Variants in GUCA1C observed in about 807,000 individuals in gnomAD.
GUCA1C encodes guanylyl cyclase-activating protein 3.
Under a neutral mutation model 16.2 loss-of-function variants are expected in GUCA1C, and 15 were observed. The ratio of observed to expected loss-of-function variants is 0.93; its 90% CI spans 0.62 to 1.43. The LOEUF (loss-of-function observed/expected upper bound fraction) is 1.43. GUCA1C is among the 40% of genes most tolerant of loss of function. GUCA1C has a pLI of 0.00. For synonymous variants in GUCA1C, 78 were observed against 85.4 expected (o/e 0.91, Z 0.48); for missense variants, 275 against 244.8 (o/e 1.12, Z -0.82).
intron 1 of GUCA1C, among the ~76,000 whole-genome samples, chr3:108,938,070 A>C (rs1226173420): frequency 1.3e-5 from 2 of 152,094 alleles, no homozygotes; most frequent in African/African-American, 2.4e-5. Flanking sequence ...AAAAAAAAAA[A>C]CAAAAAACAC....
rs1576541137 is a variant in GUCA1C, at chr3:108,908,323, A to G, written c.443-114T>C. On this transcript the variant is annotated intron_variant, in intron 3 of 3. Transcript: ENST00000261047. ...CTTTTGATATCCTTTCCCCTCAACC[A>G]GACTCTAAGATCTTTGAAGATCTTC... is the stretch of plus-strand genomic sequence containing the variant. The G allele has an allele frequency of 8.4e-6, 4 of 473,886 alleles. No individual in the cohort carries two copies. In the East Asian group the frequency reaches 1.4e-4, roughly 16 times the overall value. The allele number at this position is 473,886 out of a possible 1,614,324, so 29.4% of individuals were successfully genotyped here. A position where few individuals can be genotyped will look rare whatever the true frequency, so the allele number is the denominator to read the frequency against.
rs368760956 is a variant in GUCA1C at position 108,945,242 on chromosome 3, TAC to T, written c.204+8315_204+8316del. On this transcript the variant is annotated intron_variant, in intron 1 of 3. Transcript: ENST00000261047. ...GAACCAATGGCCAGCAACAAAAATC[TAC>T]AGTTTCTGTTATATCTGTGCTGGCC... 5.2e-3 allele frequency among the ~76,000 whole-genome samples: 790 copies of T among 152,356 alleles called. 19 individuals are homozygous for T. Among genetic ancestry groups the T allele is most frequent in the African/African-American group, 0.018 (761 of 41,580 alleles).
At chr3:108,946,386 T>C (rs771463921) in intron 1 of GUCA1C, among the ~76,000 whole-genome samples, 2 of 152,164 alleles carry the variant, frequency 1.3e-5, no homozygotes, top group Admixed American at 6.5e-5. Flanking sequence ...CTCGCTTTCT[T>C]GGCCTTTCAA....
At chr3:108,921,019 T>C (rs1946565212) in intron 1 of GUCA1C, among the ~76,000 whole-genome samples, 1 of 152,210 alleles carries the variant, frequency 6.6e-6, no homozygotes, top group Non-Finnish European at 1.5e-5. Context: ...AGATATATAA[T>C]GCCATGTACA....
intron 1 of GUCA1C, among the ~76,000 whole-genome samples, chr3:108,945,440 G>C (rs1180630680): frequency 1.3e-5 from 2 of 152,186 alleles, no homozygotes; most frequent in East Asian, 1.9e-4. Context: ...ACTCATCATG[G>C]AGACTTTATA....
chr3:108,953,798 TTTCAC>T lies in GUCA1C; in HGVS notation c.-41_-37del. On this transcript the variant is annotated 5_prime_UTR_variant, in exon 1 of 4. Transcript: ENST00000261047. ...AGTCTACAGCTTTTCCTCAGGTTGTTTTCACTTAAGTTTTTGCTGGATTTAGTCCC... is the reference window on the plus strand; with the variant it reads ...AGTCTACAGCTTTTCCTCAGGTTGTTTTAAGTTTTTGCTGGATTTAGTCCC... 1 of 1,516,104 alleles carries T rather than the reference TTTCAC, an allele frequency of 6.6e-7. No individual in the cohort carries two copies. The highest frequency in any genetic ancestry group is 9.2e-7 in the Non-Finnish European group (1 of 1,091,244). The allele number at this position is 1,516,104 out of a possible 1,614,324, so 93.9% of individuals were successfully genotyped here.
At chr3:108,952,428 C>G (rs1446347631) in intron 1 of GUCA1C, among the ~76,000 whole-genome samples, 1 of 152,126 alleles carries the variant, frequency 6.6e-6, no homozygotes. Context: ...ACAGGCAGTG[C>G]TTAACTCATA....
intron 1 of GUCA1C, among the ~76,000 whole-genome samples, chr3:108,938,876 T>A (rs1946756006): frequency 6.6e-6 from 1 of 152,218 alleles, no homozygotes; most frequent in South Asian, 2.1e-4. Context: ...ATTAATAGGT[T>A]TTCTGGATAT....
Position 108,953,766 on chromosome 3 carries a change from G to A in GUCA1C, c.-4C>T. ...CTATAGATTTGCCATTCCCCATCTT[G>A]ACTCACAGTCTACAGCTTTTCCTCA... On this transcript the variant is annotated 5_prime_UTR_variant, in exon 1 of 4. Coordinates refer to ENST00000261047, the MANE Select transcript of GUCA1C (RefSeq NM_005459.4). The A allele has an allele frequency of 1.2e-6, 2 of 1,605,540 alleles. No homozygotes were observed. The highest frequency in any genetic ancestry group is 1.1e-5 in the South Asian group (1 of 90,896).
At position 108,953,637 on chromosome 3, in the gene GUCA1C, T is replaced by C; in HGVS notation, c.126A>G (p.Thr42=). Residue 42 remains threonine, a synonymous_variant, in exon 1 of 4, where the codon ACA becomes ACG. Coordinates refer to ENST00000261047, the MANE Select transcript of GUCA1C (RefSeq NM_005459.4). ...SGLQTLHEFK[T]LLGLQGLNQK... is the part of the protein sequence containing the mutation. The stretch of plus-strand genomic sequence containing the variant: ...GATTCAGACCTTGCAGACCCAAAAG[T>C]GTCTTAAATTCATGTAGTGTTTGCA... The C allele has an allele frequency of 6.2e-7, 1 of 1,612,964 alleles. No individual in the cohort carries two copies. Among genetic ancestry groups the C allele is most frequent in the East Asian group, 2.2e-5 (1 of 44,856 alleles).
intron 1 of GUCA1C, among the ~76,000 whole-genome samples, chr3:108,945,763 A>C (rs1472720952): frequency 2.6e-5 from 4 of 152,208 alleles, no homozygotes; most frequent in African/African-American, 7.2e-5. Flanking sequence ...GGTTTTTCCT[A>C]GTCTTAACGT....
intron 1 of GUCA1C, among the ~76,000 whole-genome samples, chr3:108,948,852 T>TC (rs1201785876): frequency 2.0e-5 from 3 of 151,622 alleles, no homozygotes; most frequent in African/African-American, 4.8e-5. Context: ...TGGGAATTTT[T>TC]TTTTTTTTTT....
chr3:108,954,295 C>A (rs1350212421), upstream of GUCA1C, among the ~76,000 whole-genome samples: 1 of 152,060 alleles, frequency 6.6e-6, no homozygotes, highest in Non-Finnish European at 1.5e-5. Context: ...ATGAAAAAAT[C>A]ATACATTGAG....
chr3:108,933,044 C>T (rs901047379), intron 1 of GUCA1C, among the ~76,000 whole-genome samples: 2 of 151,694 alleles, frequency 1.3e-5, no homozygotes, highest in African/African-American at 4.8e-5. Flanking sequence ...AGGATTTCTT[C>T]ACAACACCCC....
At chr3:108,920,822 G>A (rs1278067685) in intron 1 of GUCA1C, among the ~76,000 whole-genome samples, 2 of 151,966 alleles carry the variant, frequency 1.3e-5, no homozygotes, top group East Asian at 1.9e-4. Context: ...GTAGTTTTAG[G>A]CTCACAGCAA....
intron 3 of GUCA1C, among the ~76,000 whole-genome samples, chr3:108,912,475 C>T (rs1036085559): frequency 1.3e-4 from 20 of 151,612 alleles, no homozygotes; most frequent in African/African-American, 4.8e-4. Flanking sequence ...GCTCTCTTTC[C>T]TGATGCTTTT....
In GUCA1C at chr3:108,922,180, CACACACACACACACACACACACAT is replaced by C. The variant is rs757368027; in HGVS notation, c.205-1619_205-1596del. Among the ~76,000 whole-genome samples, 473 of 145,832 alleles carry C rather than the reference CACACACACACACACACACACACAT, an allele frequency of 3.2e-3. 4 individuals are homozygous for C. The highest frequency in any genetic ancestry group is 8.0e-3 in the African/African-American group (313 of 39,316). On this transcript the variant is annotated intron_variant, in intron 1 of 3. Coordinates refer to ENST00000261047, the MANE Select transcript of GUCA1C (RefSeq NM_005459.4). ...ACACAAACACACACACACACACACA[CACACACACACACACACACACACAT>C]ATATATATGGATAATTTTCTTTATC...
chr3:108,913,625 A>G (rs911986108), intron 3 of GUCA1C, among the ~76,000 whole-genome samples: 3 of 152,156 alleles, frequency 2.0e-5, no homozygotes, highest in Non-Finnish European at 4.4e-5. Flanking sequence ...TCTCATGATG[A>G]AACGATGTAA....
intron 1 of GUCA1C, among the ~76,000 whole-genome samples, chr3:108,932,924 C>CAAAAAAAAAAAAAAAAAAA (rs57918246): frequency 5.8e-5 from 4 of 68,680 alleles, no homozygotes; most frequent in Admixed American, 1.6e-4. Context: ...AAAAAAATCT[C>CAAAAAAAAAAAAAAAAAAA]AAAAAAAAAA....
Sources: gnomAD v4.1 joint callset for allele counts (sites outside exome capture counted in the v4.1 genomes callset) on GRCh38, gnomAD v4.1.1 for gene constraint, MANE v1.5 for transcripts, NCBI Gene and HGNC (gene_info 2026-07-23, HGNC 2026-07-21) for gene names.